The following USP48 variants were observed in gnomAD, a reference collection of about 807,000 sequenced individuals.
The protein encoded by USP48 is ubiquitin specific peptidase 48.
In USP48, 43 loss-of-function variants were observed where a neutral mutation model predicts 150.7. The ratio of observed to expected loss-of-function variants is 0.29; its 90% CI spans 0.22 to 0.37. The LOEUF (loss-of-function observed/expected upper bound fraction) is 0.37, where lower values mean the gene tolerates loss of function less well. Among genes scored for constraint, USP48 ranks in the 10% least tolerant of loss-of-function variants. The pLI, the probability that USP48 is intolerant of heterozygous loss-of-function variation, is 1.00. For missense variants in USP48, 813 were observed against 1,249.6 expected (o/e 0.65, Z 5.27); for synonymous variants, 396 against 425.9 (o/e 0.93, Z 0.86).
chr1:21,762,556 G>A (rs1043547786), intron 1 of USP48, among the ~76,000 whole-genome samples: 18 of 152,142 alleles, frequency 1.2e-4, no homozygotes, highest in African/African-American at 3.9e-4. Context: ...CCTCCTCTTG[G>A]ACAAGTGGGT....
At chr1:21,679,643 C>T (rs79518385) in intron 26 of USP48, among the ~76,000 whole-genome samples, 2 of 152,332 alleles carry the variant, frequency 1.3e-5, no homozygotes, top group African/African-American at 2.4e-5. Context: ...AAGCCATGTG[C>T]TTCCTAAGTG....
chr1:21,737,594 A>G (rs908838952), intron 8 of USP48, among the ~76,000 whole-genome samples: 1 of 152,234 alleles, frequency 6.6e-6, no homozygotes, highest in African/African-American at 2.4e-5. Context: ...AATTATGGGG[A>G]AAATGTGTTA....
chr1:21,773,536 C>A (rs948083812), intron 1 of USP48, among the ~76,000 whole-genome samples: 1 of 152,022 alleles, frequency 6.6e-6, no homozygotes, highest in African/African-American at 2.4e-5. Context: ...CTCAATGTCA[C>A]CAGCAAAAAA....
chr1:21,767,814 C>A (rs1388436602), intron 1 of USP48, among the ~76,000 whole-genome samples: 1 of 152,152 alleles, frequency 6.6e-6, no homozygotes, highest in Non-Finnish European at 1.5e-5. Flanking sequence ...AATATAAATT[C>A]TAGGTTCTAG....
intron 1 of USP48, among the ~76,000 whole-genome samples, chr1:21,766,974 G>C (rs753242326): frequency 7.9e-5 from 12 of 152,170 alleles, no homozygotes; most frequent in Non-Finnish European, 1.5e-4. Flanking sequence ...TGAGGCAGGA[G>C]AATCGCCTGC....
chr1:21,682,950 T>C (rs1173198445), intron 25 of USP48, among the ~76,000 whole-genome samples: 1 of 150,802 alleles, frequency 6.6e-6, no homozygotes, highest in Non-Finnish European at 1.5e-5. Flanking sequence ...GCCTGGGACA[T>C]GAACCAGCTT....
At position 21,703,627 on chromosome 1, in the gene USP48, GAAAA is replaced by G. The variant is rs370210128; in HGVS notation, c.2516-13_2516-10del. 3 of 1,276,378 alleles carry G rather than the reference GAAAA, an allele frequency of 2.4e-6. No individual in the cohort carries two copies. The highest frequency in any genetic ancestry group is 1.6e-5 in the African/African-American group (1 of 64,428). The allele number at this position is 1,276,378 out of a possible 1,614,324, so 79.1% of individuals were successfully genotyped here. ...GCATTCTGGACAGAGTTCTTTGGGG[GAAAA>G]AAAAAAAGGGAAAACAGAAGTGGCT... On this transcript the variant is annotated splice_polypyrimidine_tract_variant and intron_variant, in intron 20 of 26. Transcript: ENST00000308271.
At chr1:21,718,701 G>A (rs1396916867) in intron 14 of USP48, among the ~76,000 whole-genome samples, 9 of 151,920 alleles carry the variant, frequency 5.9e-5, no homozygotes, top group Non-Finnish European at 1.5e-5. Context: ...GGGATTACAG[G>A]TGCATGCCAC....
intron 15 of USP48, among the ~76,000 whole-genome samples, chr1:21,707,876 T>C (rs2097677330): frequency 6.6e-6 from 1 of 152,042 alleles, no homozygotes; most frequent in Non-Finnish European, 1.5e-5. Context: ...CGAAACCAGG[T>C]CTATAGGCCA....
rs556173222 is a variant in USP48, at chr1:21,719,914, A to T, written c.1894+1122T>A. Among the ~76,000 whole-genome samples the T allele has an allele frequency of 1.9e-4, 29 of 152,262 alleles. 1 individual carries two copies. In the South Asian group the frequency reaches 5.8e-3, roughly 30 times the overall value. On this transcript the variant is annotated intron_variant, in intron 14 of 26. Coordinates refer to ENST00000308271, the MANE Select transcript of USP48 (RefSeq NM_032236.8). ...AAATAAATAAATAAAATAAAAACTT[A>T]AAAAATAAAAAATAATGATACAAAT...
intron 23 of USP48, among the ~76,000 whole-genome samples, chr1:21,692,696 T>G (rs1324061594): frequency 6.6e-6 from 1 of 152,160 alleles, no homozygotes; most frequent in Non-Finnish European, 1.5e-5. Context: ...CTAGAGGGGT[T>G]TCCAGGAGTG....
Position 21,701,571 on chromosome 1 carries a change from A to G in USP48, c.2654T>C (p.Val885Ala). The change falls in exon 22 of 27, where the codon GTG becomes GCG. Residue 885 changes from valine to alanine, a missense_variant. Val to Ala is a moderately conservative substitution (Grantham distance 64). Transcript: ENST00000308271. ...VMKDSAPELN[V>A]SSSETEEDKE... ...GTCCTCCTCTGTTTCAGAACTACTC[A>G]CATTCAGTTCCGGAGCCGAATCCTT... The G allele has an allele frequency of 6.2e-7, 1 of 1,613,886 alleles. No homozygotes were observed. The highest frequency in any genetic ancestry group is 8.5e-7 in the Non-Finnish European group (1 of 1,179,876).
intron 21 of USP48, among the ~76,000 whole-genome samples, chr1:21,703,079 G>A (rs554203623): frequency 1.3e-5 from 2 of 152,290 alleles, no homozygotes; most frequent in East Asian, 3.9e-4. Flanking sequence ...TCTCCAAGAC[G>A]CCTCTCCTGT....
chr1:21,758,349 G>A (rs535562401), intron 1 of USP48, among the ~76,000 whole-genome samples: 1 of 151,950 alleles, frequency 6.6e-6, no homozygotes, highest in South Asian at 2.1e-4. Flanking sequence ...AAATATATAA[G>A]GAAAATATAC....
intron 1 of USP48, among the ~76,000 whole-genome samples, chr1:21,762,798 G>A (rs112572339): frequency 6.0e-5 from 9 of 150,622 alleles, no homozygotes; most frequent in African/African-American, 2.0e-4. Flanking sequence ...CCTGGGAGGC[G>A]GAGGTTGCAG....
intron 1 of USP48, chr1:21,768,470 G>C (rs575008638): frequency 6.6e-6 from 1 of 152,514 alleles, no homozygotes; most frequent in African/African-American, 2.4e-5. Context: ...GAAGAAACTA[G>C]ACCTCAACTG....
chr1:21,715,203 G>C, intron 15 of USP48, 186 bp downstream of exon 15: 2 of 505,070 alleles, frequency 4.0e-6, no homozygotes, highest in Non-Finnish European at 7.2e-6. Context: ...AAATTCAAAA[G>C]CACTTCAATG....
intron 25 of USP48, among the ~76,000 whole-genome samples, chr1:21,681,724 A>C (rs747625016): frequency 2.6e-5 from 4 of 152,182 alleles, no homozygotes; most frequent in Non-Finnish European, 5.9e-5. Flanking sequence ...TTACGCCATT[A>C]ATACTAGTCA....
chr1:21,705,658 A>G, intron 19 of USP48, 69 bp downstream of exon 19: 1 of 1,188,662 alleles, frequency 8.4e-7, no homozygotes, highest in South Asian at 1.5e-5. Context: ...GAAATTTCCT[A>G]AACATATTTT....
Sources: gnomAD v4.1 joint callset for allele counts (sites outside exome capture counted in the v4.1 genomes callset) on GRCh38, gnomAD v4.1.1 for gene constraint, MANE v1.5 for transcripts, NCBI Gene and HGNC (gene_info 2026-07-23, HGNC 2026-07-21) for gene names.